The following SLC22A11 variants were observed in gnomAD, a reference collection of about 807,000 sequenced individuals.
The protein encoded by SLC22A11 is organic anion transporter 4.
A neutral mutation model predicts 49.4 loss-of-function variants in SLC22A11; 42 were observed. The ratio of observed to expected loss-of-function variants is 0.85; its 90% CI spans 0.66 to 1.10. The LOEUF is 1.10. SLC22A11 is among the 50% of genes least tolerant of loss of function. The pLI is 0.00. For missense variants in SLC22A11, 685 were observed against 731.6 expected (o/e 0.94, Z 0.74); for synonymous variants, 304 against 315.8 (o/e 0.96, Z 0.40).
At position 64,562,565 on chromosome 11, in the gene SLC22A11, C is replaced by A; in HGVS notation, c.821+130C>A. On this transcript the variant is annotated intron_variant, in intron 4 of 9. Coordinates refer to ENST00000301891, the MANE Select transcript of SLC22A11 (RefSeq NM_018484.4). This position sits in a 1 kb window ranked among gnomAD's most constrained non-coding sequence, Gnocchi z 4.4. Reference sequence around the variant, plus strand: ...CAGAAGGGCCATGGCATGAGCGGCACCCTCGCTAGGGAGGGACATTGGTGA... The same window carrying A: ...CAGAAGGGCCATGGCATGAGCGGCAACCTCGCTAGGGAGGGACATTGGTGA... The A allele has an allele frequency of 1.0e-6, 1 of 998,308 alleles. No individual in the cohort carries two copies. The highest frequency in any genetic ancestry group is 1.4e-6 in the Non-Finnish European group (1 of 702,798). 61.8% of individuals were successfully genotyped at this position (998,308 alleles called of 1,614,324 possible).
chr11:64,563,893 G>A (rs1434086889), intron 4 of SLC22A11, among the ~76,000 whole-genome samples: 1 of 151,794 alleles, frequency 6.6e-6, no homozygotes, highest in Non-Finnish European at 1.5e-5. Flanking sequence ...TCCAGCCTGG[G>A]TGACAGAGTG....
intron 9 of SLC22A11, 31 bp downstream of exon 9, chr11:64,569,889 C>T: frequency 1.2e-6 from 2 of 1,605,132 alleles, no homozygotes; most frequent in Non-Finnish European, 1.7e-6. Flanking sequence ...GGGCATCGGG[C>T]TGGGCTTCCT....
At chr11:64,561,105 T>C (rs936840346) in intron 2 of SLC22A11, among the ~76,000 whole-genome samples, 1 of 152,062 alleles carries the variant, frequency 6.6e-6, no homozygotes, top group Non-Finnish European at 1.5e-5. Flanking sequence ...CGGGCTTGAG[T>C]GGCACTAAAT....
At position 64,562,693 on chromosome 11, in the gene SLC22A11, A is replaced by T. The variant is rs2038566406; in HGVS notation, c.821+258A>T. Among the ~76,000 whole-genome samples the T allele has an allele frequency of 6.6e-6, 1 of 152,230 alleles. No individual in the cohort carries two copies. The highest frequency in any genetic ancestry group is 1.5e-5 in the Non-Finnish European group (1 of 68,044). On this transcript the variant is annotated intron_variant, in intron 4 of 9. Coordinates refer to ENST00000301891, the MANE Select transcript of SLC22A11 (RefSeq NM_018484.4). The surrounding 1 kb of genome is among the most constrained non-coding windows in gnomAD (Gnocchi z 4.4). ...ACAGCATTGGCTCAAATGGTGATTT[A>T]AAAAATACATTTGTAACTAGTTGCT...
chr11:64,569,403 G>A (rs1439305514), intron 8 of SLC22A11, among the ~76,000 whole-genome samples: 1 of 152,168 alleles, frequency 6.6e-6, no homozygotes, highest in Admixed American at 6.5e-5. Context: ...CAGTGGCCTA[G>A]CAGGAGTATG....
At position 64,562,872 on chromosome 11, in the gene SLC22A11, C is replaced by T. The variant is rs2038569981; in HGVS notation, c.821+437C>T. Among the ~76,000 whole-genome samples, 1 of 152,186 alleles carries T rather than the reference C, an allele frequency of 6.6e-6. No homozygotes were observed. Among genetic ancestry groups the T allele is most frequent in the South Asian group, 2.1e-4 (1 of 4,834 alleles). On this transcript the variant is annotated intron_variant, in intron 4 of 9. Coordinates refer to ENST00000301891, the MANE Select transcript of SLC22A11 (RefSeq NM_018484.4). The surrounding 1 kb of genome is among the most constrained non-coding windows in gnomAD (Gnocchi z 4.4). ...TCCCCAAGGCCCCACTGCCGCTGTC[C>T]CCTGGGCTGAGGCTGTGAGCATCGT... is the stretch of plus-strand genomic sequence containing the variant.
chr11:64,570,211 A>AT (rs2038685591), intron 9 of SLC22A11, among the ~76,000 whole-genome samples: 3 of 152,232 alleles, frequency 2.0e-5, no homozygotes, highest in Non-Finnish European at 4.4e-5. Context: ...TGACAAAGGG[A>AT]GATACAGATA....
Position 64,556,320 on chromosome 11 carries a change from A to G in SLC22A11, c.321A>G (p.Glu107=). Residue 107 remains glutamate, a synonymous_variant, in exon 1 of 10, where the codon GAA becomes GAG. Transcript: ENST00000301891. ...ATGCCACGGCCACCAGCTGGAGCGA[A>G]GCTGACACGGAGCCGTGTGTGGACG... ...DPNATATSWS[E]ADTEPCVDGW... The G allele has an allele frequency of 6.2e-7, 1 of 1,613,554 alleles. No homozygotes were observed. Among genetic ancestry groups the G allele is most frequent in the African/African-American group, 1.3e-5 (1 of 75,056 alleles).
chr11:64,570,796 T>A (rs2038693409), intron 9 of SLC22A11, among the ~76,000 whole-genome samples, 183 bp from the exon 10 acceptor site: 1 of 152,172 alleles, frequency 6.6e-6, no homozygotes, highest in Non-Finnish European at 1.5e-5. Context: ...TTCTTTAATT[T>A]AATTGATTTT....
intron 6 of SLC22A11, among the ~76,000 whole-genome samples, chr11:64,567,286 A>G (rs1342916684): frequency 6.6e-6 from 1 of 152,204 alleles, no homozygotes; most frequent in Non-Finnish European, 1.5e-5. Context: ...AGTGAGGGGC[A>G]GCTCAGAGGC....
At chr11:64,556,839 G>A (rs1028289839) in intron 1 of SLC22A11, among the ~76,000 whole-genome samples, 1 of 152,134 alleles carries the variant, frequency 6.6e-6, no homozygotes, top group African/African-American at 2.4e-5. Context: ...TGGGGGCAGA[G>A]GGGGGTTCTT....
rs2038567282 is a variant in SLC22A11, at chr11:64,562,752, AC to A, written c.821+318del. 6.6e-6 allele frequency among the ~76,000 whole-genome samples: 1 copy of A among 152,192 alleles called. No homozygotes were observed. The highest frequency in any genetic ancestry group is 1.5e-5 in the Non-Finnish European group (1 of 68,028). Reference sequence around the variant, plus strand: ...AAAATCAGAAGATTTTCAAAAACAAACAAAAACAGTATTTTTTACCTTCTTT... The same window carrying A: ...AAAATCAGAAGATTTTCAAAAACAAAAAAAACAGTATTTTTTACCTTCTTT... On this transcript the variant is annotated intron_variant, in intron 4 of 9. Coordinates refer to ENST00000301891, the MANE Select transcript of SLC22A11 (RefSeq NM_018484.4). This position sits in a 1 kb window ranked among gnomAD's most constrained non-coding sequence, Gnocchi z 4.4.
rs941067163 is a variant in SLC22A11 at position 64,569,524 on chromosome 11, AGAG to A, written c.1383-123_1383-121del. 5.4e-6 allele frequency: 5 copies of A among 924,074 alleles called. No individual in the cohort carries two copies. In the African/African-American group the frequency reaches 8.3e-5, roughly 15 times the overall value. 57.2% of individuals were successfully genotyped at this position (924,074 alleles called of 1,614,324 possible). A position where few individuals can be genotyped will look rare whatever the true frequency, so the allele number is the denominator to read the frequency against. On this transcript the variant is annotated intron_variant, in intron 8 of 9. Transcript: ENST00000301891. The stretch of plus-strand genomic sequence containing the variant: ...TGGGCTCCGTGGAGGAGGTGGCATT[AGAG>A]GAGGCCTTGAGGAGGGCAATTCCCT...
Position 64,571,092 on chromosome 11 carries a change from T to G in SLC22A11, c.*50T>G. On this transcript the variant is annotated 3_prime_UTR_variant, in exon 10 of 10. Transcript: ENST00000301891. ...TTAGTCAAAGACTCCTGGAAAGGAG[T>G]TGCCTCTTCTCCAATCAGAGCGTGG... is the stretch of plus-strand genomic sequence containing the variant. 6.3e-7 allele frequency: 1 copy of G among 1,598,338 alleles called. No individual in the cohort carries two copies. Among genetic ancestry groups the G allele is most frequent in the African/African-American group, 1.3e-5 (1 of 74,646 alleles).
In SLC22A11 at chr11:64,565,094, A is replaced by T; in HGVS notation, c.943-128A>T. 1 of 693,336 alleles carries T rather than the reference A, an allele frequency of 1.4e-6. No homozygotes were observed. Among genetic ancestry groups the T allele is most frequent in the Non-Finnish European group, 2.4e-6 (1 of 416,762 alleles). The allele number at this position is 693,336 out of a possible 1,614,324, so 42.9% of individuals were successfully genotyped here. ...TCCCCTCCCCTTCCCCTAGGGATCC[A>T]GCTTCCAGAGGCCGAGGCCCAGGAC... On this transcript the variant is annotated intron_variant, in intron 5 of 9. Transcript: ENST00000301891. This position sits in a 1 kb window ranked among gnomAD's most constrained non-coding sequence, Gnocchi z 4.1.
intron 9 of SLC22A11, 100 bp downstream of exon 9, chr11:64,569,958 G>A: frequency 9.4e-7 from 1 of 1,064,786 alleles, no homozygotes; most frequent in Non-Finnish European, 1.4e-6. Context: ...AGAGTACCAA[G>A]GCCTGTGTTT....
chr11:64,562,451 G>A lies in SLC22A11; in HGVS notation c.821+16G>A. On this transcript the variant is annotated intron_variant, in intron 4 of 9. Transcript: ENST00000301891. The surrounding 1 kb of genome is among the most constrained non-coding windows in gnomAD (Gnocchi z 4.4). ...TGATATCCTGGTCAGTATGATGTGGGACCTTTTCCTTAGGAGACCCAGGGT... is the reference window on the plus strand; with the variant it reads ...TGATATCCTGGTCAGTATGATGTGGAACCTTTTCCTTAGGAGACCCAGGGT... 1 of 1,532,100 alleles carries A rather than the reference G, an allele frequency of 6.5e-7. No individual in the cohort carries two copies. Among genetic ancestry groups the A allele is most frequent in the Non-Finnish European group, 8.8e-7 (1 of 1,140,196 alleles). 94.9% of individuals were successfully genotyped at this position (1,532,100 alleles called of 1,614,324 possible).
Position 64,564,051 on chromosome 11 carries a change from G to GCCC in SLC22A11, c.822-257_822-256insCCC, listed in dbSNP as rs2038588530. Among the ~76,000 whole-genome samples the GCCC allele has an allele frequency of 6.6e-6, 1 of 152,176 alleles. No homozygotes were observed. Among genetic ancestry groups the GCCC allele is most frequent in the Non-Finnish European group, 1.5e-5 (1 of 68,016 alleles). On this transcript the variant is annotated intron_variant, in intron 4 of 9. Coordinates refer to ENST00000301891, the MANE Select transcript of SLC22A11 (RefSeq NM_018484.4). The surrounding 1 kb of genome is among the most constrained non-coding windows in gnomAD (Gnocchi z 4.2). ...TGCCCTGGCTGTGTGCAGGGCTCAG[G>GCCC]TGGGCAGGCCCCGGGCAGCCAGGCG...
Position 64,556,259 on chromosome 11 carries a change from G to A in SLC22A11, c.260G>A (p.Arg87His), listed in dbSNP as rs1432351400. 22 of 1,613,574 alleles carry A rather than the reference G, an allele frequency of 1.4e-5. No individual in the cohort carries two copies. Among genetic ancestry groups the A allele is most frequent in the East Asian group, 4.5e-5 (2 of 44,902 alleles). Residue 87 changes from arginine to histidine, a missense_variant, in exon 1 of 10, where the codon CGC becomes CAC. By Grantham distance (29) the Arg-to-His change is conservative. Coordinates refer to ENST00000301891, the MANE Select transcript of SLC22A11 (RefSeq NM_018484.4). ...AACCAGGGGCCCCACCAGTGCCGCC[G>A]CTTCCGCCAGCCACAGTGGCAGCTC... ...GPNQGPHQCRRFRQPQWQLLD... is the reference protein window; with the variant it reads ...GPNQGPHQCRHFRQPQWQLLD...
Sources: allele counts gnomAD v4.1 joint callset (sites outside exome capture counted in the v4.1 genomes callset), GRCh38; gene constraint gnomAD v4.1.1; non-coding constraint Gnocchi (gnomAD v3.1); transcripts MANE v1.5; gene names NCBI Gene and HGNC (gene_info 2026-07-23, HGNC 2026-07-21).